Variants in ASTN1 observed in about 807,000 individuals in gnomAD.
ASTN1 encodes astrotactin-1.
In ASTN1, 41 loss-of-function variants were observed where a neutral mutation model predicts 140.7. The observed-to-expected ratio is 0.29, with a 90% CI of 0.23 to 0.38. The LOEUF (loss-of-function observed/expected upper bound fraction) is 0.38. Among genes scored for constraint, ASTN1 ranks in the 10% least tolerant of loss-of-function variants. The pLI is 1.00. For synonymous variants in ASTN1, 640 were observed against 652.2 expected (o/e 0.98, Z 0.29); for missense variants, 1,479 against 1,678.8 (o/e 0.88, Z 2.08).
At chr1:177,141,020 T>G (rs1397337116) in intron 1 of ASTN1, among the ~76,000 whole-genome samples, 1 of 152,052 alleles carries the variant, frequency 6.6e-6, no homozygotes, top group Non-Finnish European at 1.5e-5. Context: ...ATCGAGACCA[T>G]CCTGGCCCAC....
intron 22 of ASTN1, among the ~76,000 whole-genome samples, chr1:176,866,360 T>C (rs1036671507): frequency 3.3e-5 from 5 of 152,162 alleles, no homozygotes; most frequent in African/African-American, 1.2e-4. Context: ...GACTAAATCA[T>C]CTGGGGCAGA....
intron 1 of ASTN1, among the ~76,000 whole-genome samples, chr1:177,127,955 A>G (rs1681742634): frequency 6.6e-6 from 1 of 152,216 alleles, no homozygotes; most frequent in Admixed American, 6.5e-5. Flanking sequence ...TTTACAAATA[A>G]TAACTTACAA....
At chr1:177,011,457 A>G (rs1409612492) in intron 8 of ASTN1, among the ~76,000 whole-genome samples, 1 of 152,144 alleles carries the variant, frequency 6.6e-6, no homozygotes, top group Non-Finnish European at 1.5e-5. Flanking sequence ...CTGGACCATA[A>G]TAGGTAATGG....
intron 16 of ASTN1, among the ~76,000 whole-genome samples, chr1:176,932,466 G>T (rs1215140553): frequency 1.3e-5 from 2 of 152,216 alleles, no homozygotes; most frequent in Admixed American, 1.3e-4. Context: ...TAAAGAACCA[G>T]ACTAAAGAGG....
intron 2 of ASTN1, among the ~76,000 whole-genome samples, chr1:177,048,839 C>T (rs184477897): frequency 1.1e-3 from 170 of 152,310 alleles, no homozygotes; most frequent in African/African-American, 3.8e-3. Flanking sequence ...TCTGAACCAG[C>T]AATTCACAGA....
intron 15 of ASTN1, 29 bp from the exon 16 acceptor site, chr1:176,934,369 A>G: frequency 6.4e-7 from 1 of 1,565,714 alleles, no homozygotes; most frequent in Admixed American, 1.7e-5. Context: ...CAAGGGTAAG[A>G]ATGAGGGCTC....
In ASTN1 at chr1:177,095,405, T is replaced by C. The variant is rs575945467; in HGVS notation, c.284-34140A>G. Among the ~76,000 whole-genome samples, 56 of 152,210 alleles carry C rather than the reference T, an allele frequency of 3.7e-4. 1 individual carries two copies. Among genetic ancestry groups the C allele is most frequent in the African/African-American group, 1.2e-3 (50 of 41,540 alleles). ...AATGACCCCAAAGGCATTTTAAAGA[T>C]CATTGGGTATGCCCCTCACAATAGC... On this transcript the variant is annotated intron_variant, in intron 1 of 22. Transcript: ENST00000361833.
chr1:176,999,116 A>G (rs1347989802), intron 8 of ASTN1, among the ~76,000 whole-genome samples: 1 of 152,212 alleles, frequency 6.6e-6, no homozygotes, highest in African/African-American at 2.4e-5. Flanking sequence ...ACTCCTTTTA[A>G]AGCAAGACTC....
chr1:177,027,756 GTGTGTGTA>G, intron 5 of ASTN1, among the ~76,000 whole-genome samples: 1 of 133,874 alleles, frequency 7.5e-6, no homozygotes, highest in Admixed American at 7.9e-5. Flanking sequence ...GTGTGTGTGT[GTGTGTGTA>G]TGTGTATATA....
At chr1:177,154,568 G>T (rs1683165164) in intron 1 of ASTN1, among the ~76,000 whole-genome samples, 1 of 151,982 alleles carries the variant, frequency 6.6e-6, no homozygotes, top group African/African-American at 2.4e-5. Flanking sequence ...ATATAGTGCT[G>T]AGTGAAAAGA....
At chr1:176,865,690 T>G (rs1668108637) in intron 22 of ASTN1, among the ~76,000 whole-genome samples, 1 of 152,212 alleles carries the variant, frequency 6.6e-6, no homozygotes, top group Non-Finnish European at 1.5e-5. Flanking sequence ...AACCACTCTT[T>G]TCTAGTTCCA....
chr1:176,938,974 A>C (rs1310450643), intron 14 of ASTN1, among the ~76,000 whole-genome samples: 1 of 151,480 alleles, frequency 6.6e-6, no homozygotes, highest in East Asian at 2.0e-4. Context: ...AAAAACAAAA[A>C]ACAGCTGGGT....
chr1:177,140,216 G>A (rs896406777), intron 1 of ASTN1, among the ~76,000 whole-genome samples: 2 of 152,170 alleles, frequency 1.3e-5, no homozygotes, highest in Non-Finnish European at 1.5e-5. Flanking sequence ...TATAATAGCC[G>A]AAAATAGCTC....
At chr1:176,961,179 T>C (rs1274627585) in intron 9 of ASTN1, among the ~76,000 whole-genome samples, 1 of 152,186 alleles carries the variant, frequency 6.6e-6, no homozygotes, top group African/African-American at 2.4e-5. Context: ...GGGAACATAA[T>C]CTCAATGTTC....
At chr1:177,071,696 G>C (rs903739501) in intron 1 of ASTN1, among the ~76,000 whole-genome samples, 2 of 152,116 alleles carry the variant, frequency 1.3e-5, no homozygotes, top group Non-Finnish European at 2.9e-5. Flanking sequence ...ACAGAAAAGT[G>C]GGCATAAGTG....
chr1:177,111,450 C>T (rs1680819823), intron 1 of ASTN1, among the ~76,000 whole-genome samples: 1 of 152,124 alleles, frequency 6.6e-6, no homozygotes, highest in African/African-American at 2.4e-5. Context: ...TTAGATTCTG[C>T]ATTTCTAACA....
At chr1:177,024,522 C>A (rs560490916) in intron 6 of ASTN1, 61 bp downstream of exon 6, 8 of 1,585,884 alleles carry the variant, frequency 5.0e-6, no homozygotes, top group Non-Finnish European at 5.2e-6. Context: ...CTAGCCTTTG[C>A]CCAACCAGAA....
chr1:176,954,226 CATT>C (rs1376143827), intron 11 of ASTN1, among the ~76,000 whole-genome samples: 4 of 152,228 alleles, frequency 2.6e-5, no homozygotes, highest in East Asian at 3.9e-4. Context: ...GAAATGGAGA[CATT>C]ATCCTGGATT....
intron 16 of ASTN1, among the ~76,000 whole-genome samples, chr1:176,925,451 T>A (rs1571518234): frequency 6.6e-6 from 1 of 152,196 alleles, no homozygotes; most frequent in Non-Finnish European, 1.5e-5. Flanking sequence ...AATTAGAATC[T>A]CCATTTTAAC....
Sources: allele counts gnomAD v4.1 joint callset (sites outside exome capture counted in the v4.1 genomes callset), GRCh38; gene constraint gnomAD v4.1.1; transcripts MANE v1.5; gene names NCBI Gene and HGNC (gene_info 2026-07-23, HGNC 2026-07-21).